Variants in ERC2 observed in about 807,000 individuals in gnomAD.
ERC2 encodes the protein ELKS/RAB6-interacting/CAST family member 2.
A neutral mutation model predicts 114.8 loss-of-function variants in ERC2; 42 were observed. The observed-to-expected ratio is 0.37, with a 90% CI of 0.29 to 0.47. ERC2 has a LOEUF of 0.47. Ranked by LOEUF, ERC2 falls within the 20% of genes least tolerant of loss-of-function variation. The probability of loss-of-function intolerance (pLI) is 0.99; values close to 1 mark genes in which losing one functional copy is unlikely to be tolerated. For missense variants in ERC2, 939 were observed against 1,150.7 expected, an observed-to-expected ratio of 0.82 and a Z score of 2.66; for synonymous variants, 454 against 425.5, an observed-to-expected ratio of 1.07 and a Z score of -0.82.
intron 3 of ERC2, among the ~76,000 whole-genome samples, chr3:56,179,277 GGTAAGTAGA>G (rs2083155381): frequency 1.3e-5 from 2 of 152,022 alleles, no homozygotes; most frequent in African/African-American, 4.8e-5. Flanking sequence ...TGAGGGATGG[GGTAAGTAGA>G]AAGCCAAAGA....
rs1181595660 is a variant in ERC2 at position 56,343,190 on chromosome 3, T to TCACACACACA, written c.658-46756_658-46755insTGTGTGTGTG. Among the ~76,000 whole-genome samples, 1,075 of 109,894 alleles carry TCACACACACA rather than the reference T, an allele frequency of 9.8e-3. 14 individuals carry two copies. The highest frequency in any genetic ancestry group is 0.056 in the East Asian group (231 of 4,110). The allele number at this position is 109,894 out of a possible 152,430, so 72.1% of individuals were successfully genotyped here. A position where few individuals can be genotyped will look rare whatever the true frequency, so the allele number is the denominator to read the frequency against. On this transcript the variant is annotated intron_variant, in intron 2 of 17. Transcript: ENST00000288221. ...CTTTCTCTCTCTCTCTCTCTCTCTC[T>TCACACACACA]CTCACACACACACACACACAAACAC...
Position 55,588,397 on chromosome 3 carries a change from C to T in ERC2, c.*40-77121G>A, listed in dbSNP as rs182512821. The stretch of plus-strand genomic sequence containing the variant: ...GAGAAGGAACAACATCATAAAGCGT[C>T]GGCAACTGAATCAGAACAAAGGGAT... On this transcript the variant is annotated intron_variant, in intron 17 of 17. Transcript: ENST00000288221. 1.7e-4 allele frequency among the ~76,000 whole-genome samples: 26 copies of T among 152,258 alleles called. No individual in the cohort carries two copies. The East Asian group carries it at 5.0e-3, about 29-fold the overall frequency.
intron 15 of ERC2, among the ~76,000 whole-genome samples, chr3:55,732,508 G>C (rs7620617): frequency 6.6e-6 from 1 of 152,108 alleles, no homozygotes; most frequent in Non-Finnish European, 1.5e-5. Flanking sequence ...CAAGCTCGTC[G>C]TAAAGAATAA....
At chr3:56,020,001 C>G (rs2073592820) in intron 7 of ERC2, among the ~76,000 whole-genome samples, 2 of 152,296 alleles carry the variant, frequency 1.3e-5, no homozygotes, top group East Asian at 3.9e-4. Flanking sequence ...ACAATGTACA[C>G]TCAAACAAAT....
At chr3:55,684,180 G>A (rs1156677091) in intron 16 of ERC2, among the ~76,000 whole-genome samples, 1 of 152,172 alleles carries the variant, frequency 6.6e-6, no homozygotes, top group East Asian at 1.9e-4. Flanking sequence ...TGGAAAGCAT[G>A]CAATCTGAAT....
In ERC2 at chr3:56,458,108, G is replaced by A. The variant is rs193101691; in HGVS notation, c.-141+10140C>T. ...ACACTTTTACGACGACTACATAACAGAATGGCTTAATTCTTTGTTACTAAT... is the reference window on the plus strand; with the variant it reads ...ACACTTTTACGACGACTACATAACAAAATGGCTTAATTCTTTGTTACTAAT... On this transcript the variant is annotated intron_variant, in intron 1 of 17. Transcript: ENST00000288221. Among the ~76,000 whole-genome samples the A allele has an allele frequency of 2.6e-5, 4 of 152,270 alleles. No individual in the cohort carries two copies. The East Asian group carries it at 7.7e-4, about 29-fold the overall frequency.
intron 15 of ERC2, among the ~76,000 whole-genome samples, chr3:55,721,762 C>A (rs7641126): frequency 0.022 from 3,381 of 152,266 alleles, 127 homozygotes; most frequent in African/African-American, 0.077. Flanking sequence ...GACATCTCAG[C>A]GAGCATTAGA....
intron 17 of ERC2, among the ~76,000 whole-genome samples, chr3:55,677,816 C>A (rs1576088825): frequency 6.6e-6 from 1 of 152,088 alleles, no homozygotes; most frequent in African/African-American, 2.4e-5. Flanking sequence ...GCCTATTAAC[C>A]ATGTCAGGGG....
intron 3 of ERC2, among the ~76,000 whole-genome samples, chr3:56,181,885 G>A (rs116244855): frequency 9.2e-4 from 140 of 152,212 alleles, no homozygotes; most frequent in African/African-American, 3.2e-3. Context: ...AAAGCCCTGC[G>A]AATGAGCCAT....
chr3:56,039,003 G>A (rs1260396401), intron 7 of ERC2, among the ~76,000 whole-genome samples: 2 of 152,110 alleles, frequency 1.3e-5, no homozygotes, highest in African/African-American at 4.8e-5. Context: ...CCTAGGTGAT[G>A]GATTGATAGG....
intron 2 of ERC2, among the ~76,000 whole-genome samples, chr3:56,424,218 A>G (rs933433180): frequency 9.9e-5 from 15 of 152,194 alleles, no homozygotes; most frequent in African/African-American, 1.9e-4. Flanking sequence ...CTTGGTTTCA[A>G]TAAGTACCCT....
In ERC2 at chr3:55,948,674, C is replaced by G. The variant is rs554202122; in HGVS notation, c.2403+1751G>C. ...AGAGGTTATGAGGTAGTTATCAAGGCCTCTTATGAAAATATTGCTATACAA... is the reference window on the plus strand; with the variant it reads ...AGAGGTTATGAGGTAGTTATCAAGGGCTCTTATGAAAATATTGCTATACAA... On this transcript the variant is annotated intron_variant, in intron 13 of 17. Transcript: ENST00000288221. 7.2e-5 allele frequency among the ~76,000 whole-genome samples: 11 copies of G among 152,200 alleles called. No homozygotes were observed. In the East Asian group the frequency reaches 1.9e-3, roughly 27 times the overall value.
chr3:56,262,839 A>T (rs2053032410), intron 3 of ERC2, among the ~76,000 whole-genome samples: 1 of 152,148 alleles, frequency 6.6e-6, no homozygotes, highest in Non-Finnish European at 1.5e-5. Flanking sequence ...CATAAGGAGG[A>T]TCTCCTTCAT....
At chr3:55,963,970 G>A (rs1273836483) in intron 12 of ERC2, among the ~76,000 whole-genome samples, 4 of 152,084 alleles carry the variant, frequency 2.6e-5, no homozygotes. Flanking sequence ...CAGTGGTCCA[G>A]ACATAAAATA....
At chr3:55,858,576 C>T (rs2061889929) in intron 14 of ERC2, among the ~76,000 whole-genome samples, 1 of 152,170 alleles carries the variant, frequency 6.6e-6, no homozygotes, top group Admixed American at 6.5e-5. Flanking sequence ...CATCCAAGTG[C>T]AAGCAGTAGG....
At chr3:55,715,839 T>C (rs1314759346) in intron 15 of ERC2, among the ~76,000 whole-genome samples, 1 of 152,206 alleles carries the variant, frequency 6.6e-6, no homozygotes, top group Non-Finnish European at 1.5e-5. Context: ...CAAGGGAATA[T>C]ACTTCAAATT....
At chr3:55,544,422 C>T (rs896835780) in intron 17 of ERC2, among the ~76,000 whole-genome samples, 1 of 152,172 alleles carries the variant, frequency 6.6e-6, no homozygotes, top group Non-Finnish European at 1.5e-5. Flanking sequence ...AGCTCTATCA[C>T]ATCCACCCTT....
At chr3:55,533,760 C>G (rs547959557) in intron 17 of ERC2, among the ~76,000 whole-genome samples, 14 of 152,352 alleles carry the variant, frequency 9.2e-5, no homozygotes, top group African/African-American at 3.4e-4. Context: ...CCGCTCCTTG[C>G]TCTCCTGACT....
intron 14 of ERC2, among the ~76,000 whole-genome samples, chr3:55,741,880 C>T (rs1165259055): frequency 6.6e-6 from 1 of 151,980 alleles, no homozygotes; most frequent in Admixed American, 6.6e-5. Flanking sequence ...GCAGCCTAAA[C>T]AAATGTCAAG....
Sources: gnomAD v4.1 joint callset for allele counts (sites outside exome capture counted in the v4.1 genomes callset) on GRCh38, gnomAD v4.1.1 for gene constraint, MANE v1.5 for transcripts, NCBI Gene and HGNC (gene_info 2026-07-23, HGNC 2026-07-21) for gene names.